ASTN2: variants seen among roughly 807,000 people sequenced by gnomAD.
The protein encoded by ASTN2 is astrotactin-2.
Under a neutral mutation model 139.8 loss-of-function variants are expected in ASTN2, and 54 were observed. The observed-to-expected ratio is 0.39, with a 90% CI of 0.31 to 0.48. The LOEUF is 0.48. Among genes scored for constraint, ASTN2 ranks in the 20% least tolerant of loss-of-function variants. The pLI is 0.95. For synonymous variants in ASTN2, 756 were observed against 719.5 expected, an observed-to-expected ratio of 1.05 and a Z score of -0.81; for missense variants, 1,565 against 1,725.1, an observed-to-expected ratio of 0.91 and a Z score of 1.64.
At chr9:116,471,957 C>T (rs547778218) in intron 20 of ASTN2, among the ~76,000 whole-genome samples, 74 of 152,168 alleles carry the variant, frequency 4.9e-4, no homozygotes, top group African/African-American at 1.7e-3. Flanking sequence ...CAACAAAACC[C>T]GCGAGTGCAA....
intron 1 of ASTN2, among the ~76,000 whole-genome samples, chr9:117,299,297 A>C (rs1834817047): frequency 6.6e-6 from 1 of 152,186 alleles, no homozygotes; most frequent in African/African-American, 2.4e-5. Context: ...TTAAAGATTC[A>C]TTTAGTCAAC....
intron 2 of ASTN2, among the ~76,000 whole-genome samples, chr9:117,215,480 T>TAAA (rs1832286236): frequency 6.7e-6 from 1 of 148,542 alleles, no homozygotes; most frequent in African/African-American, 2.5e-5. Flanking sequence ...TATATATATA[T>TAAA]ATAATGTGTA....
intron 2 of ASTN2, among the ~76,000 whole-genome samples, chr9:117,225,353 T>G (rs1423343443): frequency 6.6e-6 from 1 of 150,992 alleles, no homozygotes; most frequent in Non-Finnish European, 1.5e-5. Context: ...GAAGGACGGG[T>G]GAATGGAGAA....
chr9:116,766,557 A>T (rs560962202), intron 13 of ASTN2, among the ~76,000 whole-genome samples: 1 of 152,036 alleles, frequency 6.6e-6, no homozygotes, highest in African/African-American at 2.4e-5. Flanking sequence ...ATGCATTCAT[A>T]CTAATCACAT....
At chr9:116,479,858 C>A (rs1353466061) in intron 20 of ASTN2, among the ~76,000 whole-genome samples, 1 of 152,156 alleles carries the variant, frequency 6.6e-6, no homozygotes, top group Non-Finnish European at 1.5e-5. Flanking sequence ...ATGCCCAACT[C>A]TTCTCATAAT....
At chr9:116,557,296 G>A (rs1047238212) in intron 19 of ASTN2, among the ~76,000 whole-genome samples, 1 of 147,384 alleles carries the variant, frequency 6.8e-6, no homozygotes, top group African/African-American at 2.5e-5. Flanking sequence ...ACAGAATTTT[G>A]AGAGTACATC....
chr9:116,973,184 C>T (rs1417394114), intron 10 of ASTN2, among the ~76,000 whole-genome samples: 2 of 152,174 alleles, frequency 1.3e-5, no homozygotes, highest in Non-Finnish European at 2.9e-5. Context: ...CTCTATGCCT[C>T]AGGTTTGTTT....
At chr9:116,671,856 T>G (rs1461915201) in intron 16 of ASTN2, among the ~76,000 whole-genome samples, 1 of 152,136 alleles carries the variant, frequency 6.6e-6, no homozygotes, top group Non-Finnish European at 1.5e-5. Context: ...TACTTCCCCA[T>G]TTCAGCCTTC....
At chr9:117,356,473 C>T (rs777011817) in intron 1 of ASTN2, among the ~76,000 whole-genome samples, 2 of 152,152 alleles carry the variant, frequency 1.3e-5, no homozygotes, top group Non-Finnish European at 2.9e-5. Flanking sequence ...AGACCAAATT[C>T]TTTAGATTTC....
intron 16 of ASTN2, among the ~76,000 whole-genome samples, chr9:116,714,320 G>A (rs1828252694): frequency 6.6e-6 from 1 of 152,146 alleles, no homozygotes; most frequent in African/African-American, 2.4e-5. Context: ...AGGAAGTCTG[G>A]CAGGAAGAAG....
chr9:116,673,167 C>G (rs1035851774), intron 16 of ASTN2, among the ~76,000 whole-genome samples: 5 of 152,200 alleles, frequency 3.3e-5, no homozygotes, highest in Admixed American at 3.3e-4. Flanking sequence ...CCCCAAAATT[C>G]TGGCCCCTAT....
intron 1 of ASTN2, among the ~76,000 whole-genome samples, chr9:117,365,312 A>T (rs913077176): frequency 6.8e-6 from 1 of 147,974 alleles, no homozygotes; most frequent in South Asian, 2.1e-4. Context: ...AGAAAGAAAG[A>T]AAAAGAAAGA....
chr9:116,776,547 C>T (rs1830093397), intron 13 of ASTN2, among the ~76,000 whole-genome samples: 1 of 152,118 alleles, frequency 6.6e-6, no homozygotes, highest in African/African-American at 2.4e-5. Context: ...TGTTTCCGCT[C>T]CTTGTTTTCT....
intron 1 of ASTN2, among the ~76,000 whole-genome samples, chr9:117,412,807 C>T (rs907186840): frequency 1.3e-5 from 2 of 152,178 alleles, no homozygotes; most frequent in African/African-American, 4.8e-5. Context: ...TAGAAAGACC[C>T]TTCCCCACGG....
chr9:117,039,990 A>G, intron 5 of ASTN2, 25 bp from the exon 6 acceptor site: 1 of 1,585,618 alleles, frequency 6.3e-7, no homozygotes, highest in Non-Finnish European at 8.6e-7. Context: ...ATACACAAAG[A>G]CACAAAATTC....
intron 16 of ASTN2, among the ~76,000 whole-genome samples, chr9:116,715,809 G>C (rs138073220): frequency 6.6e-6 from 1 of 152,218 alleles, no homozygotes; most frequent in African/African-American, 2.4e-5. Flanking sequence ...ATGATAGAGC[G>C]GTGAGAAAGG....
At chr9:116,651,490 G>T (rs1238154832) in intron 17 of ASTN2, 38 bp downstream of exon 17, 1 of 1,600,844 alleles carries the variant, frequency 6.2e-7, no homozygotes, top group East Asian at 2.2e-5. Context: ...AGGAGGGCTG[G>T]TCAAGTTTGA....
At chr9:116,550,588 G>C (rs1194766048) in intron 19 of ASTN2, among the ~76,000 whole-genome samples, 1 of 152,108 alleles carries the variant, frequency 6.6e-6, no homozygotes, top group African/African-American at 2.4e-5. Context: ...AAAAGGGAGA[G>C]AAAATAAGAA....
intron 2 of ASTN2, among the ~76,000 whole-genome samples, chr9:117,222,749 C>T (rs1832567565): frequency 6.6e-6 from 1 of 152,112 alleles, no homozygotes; most frequent in Admixed American, 6.5e-5. Context: ...TTTCTTTATC[C>T]TCTGCACTCC....
Sources: gnomAD v4.1 joint callset for allele counts (sites outside exome capture counted in the v4.1 genomes callset) on GRCh38, gnomAD v4.1.1 for gene constraint, MANE v1.5 for transcripts, NCBI Gene and HGNC (gene_info 2026-07-23, HGNC 2026-07-21) for gene names.